Variants in RUFY3 observed in about 807,000 individuals in gnomAD.
RUFY3 encodes the protein protein RUFY3.
In RUFY3, 34 loss-of-function variants were observed where a neutral mutation model predicts 84.0. The observed-to-expected ratio is 0.40, with a 90% confidence interval of 0.31 to 0.54. The LOEUF (loss-of-function observed/expected upper bound fraction) is 0.54. RUFY3 is among the 20% of genes least tolerant of loss of function. RUFY3 has a pLI of 0.39. For synonymous variants in RUFY3, 242 were observed against 252.9 expected, an observed-to-expected ratio of 0.96 and a Z score of 0.41; for missense variants, 507 against 736.8, an observed-to-expected ratio of 0.69 and a Z score of 3.61.
chr4:70,751,986 G>C (rs937660557), intron 1 of RUFY3, among the ~76,000 whole-genome samples: 6 of 152,058 alleles, frequency 3.9e-5, no homozygotes, highest in Non-Finnish European at 7.4e-5. Flanking sequence ...TCACCATGTT[G>C]GCCAGGCTGG....
At chr4:70,742,114 C>T (rs1054636693) in intron 1 of RUFY3, among the ~76,000 whole-genome samples, 1 of 152,032 alleles carries the variant, frequency 6.6e-6, no homozygotes, top group Non-Finnish European at 1.5e-5. Flanking sequence ...TAAGCTTTGT[C>T]ATGTCATAGC....
intron 1 of RUFY3, among the ~76,000 whole-genome samples, chr4:70,706,529 G>A (rs1461203539): frequency 6.6e-6 from 1 of 152,218 alleles, no homozygotes; most frequent in Non-Finnish European, 1.5e-5. Flanking sequence ...TTAAGAGAAG[G>A]AATGCAGTTG....
rs767708934 is a variant in RUFY3, at chr4:70,788,994, A to G, written c.1239+21A>G. 6.2e-6 allele frequency: 10 copies of G among 1,610,042 alleles called. No individual in the cohort carries two copies. The South Asian group carries it at 1.1e-4, about 18-fold the overall frequency. ...TGCAGGTAGGGGAAATATGAGGAAT[A>G]GACTCACTGGCTCTCTAAAATCCTG... On this transcript the variant is annotated intron_variant, in intron 11 of 17. Transcript: ENST00000381006.
chr4:70,738,356 CTTTTTTTT>C (rs60916183), intron 1 of RUFY3, among the ~76,000 whole-genome samples: 1 of 60,502 alleles, frequency 1.7e-5, no homozygotes, highest in African/African-American at 8.3e-5. Context: ...GGTGTTTCAT[CTTTTTTTT>C]TTTTTTTTTT....
At chr4:70,803,111 C>A in intron 16 of RUFY3, 128 bp downstream of exon 16, 2 of 632,066 alleles carry the variant, frequency 3.2e-6, no homozygotes, top group Admixed American at 3.1e-5. Flanking sequence ...TCTAACAATA[C>A]CCTGAACAAA....
chr4:70,718,537 C>G (rs144914522), upstream of RUFY3, among the ~76,000 whole-genome samples: 1 of 152,114 alleles, frequency 6.6e-6, no homozygotes, highest in African/African-American at 2.4e-5. Context: ...CAAATAGGTG[C>G]CATTACTCAC....
At chr4:70,731,330 G>C (rs1405333747) in intron 1 of RUFY3, among the ~76,000 whole-genome samples, 1 of 152,020 alleles carries the variant, frequency 6.6e-6, no homozygotes, top group Non-Finnish European at 1.5e-5. Flanking sequence ...GAGCCACCAA[G>C]CCTGGCCAGT....
intron 1 of RUFY3, among the ~76,000 whole-genome samples, chr4:70,753,491 A>G (rs1424230864): frequency 2.0e-5 from 3 of 152,210 alleles, no homozygotes; most frequent in Admixed American, 6.5e-5. Flanking sequence ...ATGGAATTAT[A>G]ATATGCTAGC....
At chr4:70,741,645 C>T in intron 1 of RUFY3, 1 of 1,522,174 alleles carries the variant, frequency 6.6e-7, no homozygotes, top group East Asian at 2.5e-5. Flanking sequence ...GAGGATTTGA[C>T]AGATTTGGTG....
intron 1 of RUFY3, among the ~76,000 whole-genome samples, chr4:70,744,727 T>A (rs1721910360): frequency 6.6e-6 from 1 of 150,500 alleles, no homozygotes; most frequent in South Asian, 2.1e-4. Flanking sequence ...TGATATCAGC[T>A]CACTGCAACC....
At chr4:70,755,536 A>G (rs571681439) in intron 1 of RUFY3, among the ~76,000 whole-genome samples, 34 of 152,348 alleles carry the variant, frequency 2.2e-4, no homozygotes, top group African/African-American at 7.9e-4. Flanking sequence ...ATATGACTTC[A>G]GATCACTTTT....
At chr4:70,793,511 C>G in intron 12 of RUFY3, 2 of 1,272,322 alleles carry the variant, frequency 1.6e-6, no homozygotes, top group Non-Finnish European at 2.0e-6. Context: ...TGTTTATCAT[C>G]TAATGGCTGT....
At chr4:70,763,746 A>T in intron 3 of RUFY3, 77 bp downstream of exon 3, 1 of 1,509,450 alleles carries the variant, frequency 6.6e-7, no homozygotes, top group Non-Finnish European at 8.9e-7. Context: ...GACTAAAGAC[A>T]ATTATGTACG....
chr4:70,793,540 A>T (rs1401529564), intron 12 of RUFY3: 12 of 1,330,438 alleles, frequency 9.0e-6, no homozygotes, highest in Middle Eastern at 5.8e-4. Context: ...GTACTAGAAT[A>T]AAAAAAATGG....
intron 12 of RUFY3, chr4:70,792,948 T>C: frequency 1.0e-6 from 1 of 985,132 alleles, no homozygotes; most frequent in Middle Eastern, 5.2e-4. Flanking sequence ...TCTACGAGCA[T>C]TTGGAAGGAG....
chr4:70,760,683 T>C (rs1423217590), intron 1 of RUFY3, among the ~76,000 whole-genome samples: 2 of 152,230 alleles, frequency 1.3e-5, no homozygotes, highest in Non-Finnish European at 2.9e-5. Flanking sequence ...TTCCATGTAT[T>C]TTGCTGTCCT....
At chr4:70,705,178 C>T in exon 1 of RUFY3, 2 of 1,461,888 alleles carry the variant, frequency 1.4e-6, no homozygotes, top group Non-Finnish European at 1.8e-6. Context: ...GGAGTGCGCC[C>T]GCCGCCGCAG....
intron 1 of RUFY3, among the ~76,000 whole-genome samples, chr4:70,732,165 A>G (rs756009690): frequency 1.3e-5 from 2 of 152,192 alleles, no homozygotes; most frequent in Non-Finnish European, 2.9e-5. Context: ...TCTCTAACAG[A>G]TCTCACACCT....
At chr4:70,792,549 A>G (rs1362773259) in intron 12 of RUFY3, 6 of 985,124 alleles carry the variant, frequency 6.1e-6, no homozygotes, top group African/African-American at 1.7e-5. Context: ...CAGGCTTTAC[A>G]TAAGCCTTCA....
Sources: allele counts gnomAD v4.1 joint callset (sites outside exome capture counted in the v4.1 genomes callset), GRCh38; gene constraint gnomAD v4.1.1; transcripts MANE v1.5; gene names NCBI Gene and HGNC (gene_info 2026-07-23, HGNC 2026-07-21).